Variants in LYPD6 observed in about 807,000 individuals in gnomAD.
LYPD6 encodes the protein ly6/PLAUR domain-containing protein 6.
In LYPD6, 15 loss-of-function variants were observed where a neutral mutation model predicts 22.7. That is an observed-to-expected ratio of 0.66 (90% CI 0.44 to 1.02). LYPD6 has a LOEUF of 1.02. Among genes scored for constraint, LYPD6 ranks in the 50% least tolerant of loss-of-function variants. LYPD6 has a pLI of 0.00. For missense variants in LYPD6, 189 were observed against 208.4 expected (o/e 0.91, Z 0.57); for synonymous variants, 72 against 77.5 (o/e 0.93, Z 0.37).
chr2:149,377,781 A>ACCCCCCCCC (rs70994571), intron 1 of LYPD6, among the ~76,000 whole-genome samples: 3 of 94,244 alleles, frequency 3.2e-5, no homozygotes, highest in Admixed American at 2.3e-4. Flanking sequence ...CTTTGTCCCC[A>ACCCCCCCCC]CCCCCCCCCC....
At chr2:149,427,065 A>G (rs909778409) in intron 1 of LYPD6, among the ~76,000 whole-genome samples, 42 of 152,362 alleles carry the variant, frequency 2.8e-4, no homozygotes, top group Admixed American at 1.2e-3. Context: ...AATAAAAGAA[A>G]GGTAAATGCA....
At chr2:149,441,037 C>T (rs992456669) in intron 2 of LYPD6, among the ~76,000 whole-genome samples, 3 of 152,098 alleles carry the variant, frequency 2.0e-5, no homozygotes, top group East Asian at 3.9e-4. Flanking sequence ...GTATTAACTT[C>T]TAATTTCTTT....
intron 1 of LYPD6, among the ~76,000 whole-genome samples, chr2:149,365,201 G>A (rs544453695): frequency 6.6e-6 from 1 of 152,312 alleles, no homozygotes; most frequent in South Asian, 2.1e-4. Context: ...AGATAATTCT[G>A]CTGGATGATG....
At chr2:149,375,191 G>T (rs1335011404) in intron 1 of LYPD6, among the ~76,000 whole-genome samples, 1 of 152,162 alleles carries the variant, frequency 6.6e-6, no homozygotes, top group Non-Finnish European at 1.5e-5. Context: ...GACAAACCAG[G>T]ATTTACCTTG....
intron 1 of LYPD6, among the ~76,000 whole-genome samples, chr2:149,424,814 G>A (rs1683156522): frequency 6.6e-6 from 1 of 152,160 alleles, no homozygotes; most frequent in Non-Finnish European, 1.5e-5. Context: ...ATCATGGGAA[G>A]GCTTGTAGAC....
At chr2:149,453,915 T>A (rs1287103472) in intron 3 of LYPD6, among the ~76,000 whole-genome samples, 2 of 152,212 alleles carry the variant, frequency 1.3e-5, no homozygotes, top group Non-Finnish European at 2.9e-5. Flanking sequence ...ACCCAACGCC[T>A]TGCAATTTAT....
chr2:149,350,766 C>T (rs1681343770), intron 1 of LYPD6, among the ~76,000 whole-genome samples: 1 of 152,168 alleles, frequency 6.6e-6, no homozygotes, highest in African/African-American at 2.4e-5. Flanking sequence ...GTCTCCTGTG[C>T]ACTTGTTTTT....
chr2:149,411,225 G>A (rs1309883266), intron 1 of LYPD6, among the ~76,000 whole-genome samples: 1 of 152,134 alleles, frequency 6.6e-6, no homozygotes, highest in African/African-American at 2.4e-5. Flanking sequence ...AGGAACCACT[G>A]GCTAAGCCGT....
intron 3 of LYPD6, among the ~76,000 whole-genome samples, chr2:149,455,559 C>G (rs1680939465): frequency 6.6e-6 from 1 of 152,040 alleles, no homozygotes; most frequent in Admixed American, 6.6e-5. Context: ...CGCCTGGCCT[C>G]CAGCAAGTTT....
chr2:149,476,952 T>C (rs556199315), downstream of LYPD6, among the ~76,000 whole-genome samples: 1 of 152,168 alleles, frequency 6.6e-6, no homozygotes, highest in East Asian at 1.9e-4. Context: ...GAAGACCAGT[T>C]GTTTGGGGAG....
intron 1 of LYPD6, among the ~76,000 whole-genome samples, chr2:149,365,103 C>CT (rs1427188713): frequency 6.6e-6 from 1 of 152,180 alleles, no homozygotes; most frequent in Non-Finnish European, 1.5e-5. Flanking sequence ...CTTCATCACT[C>CT]TAACACTCTT....
chr2:149,356,780 T>G (rs1056904259), intron 1 of LYPD6, among the ~76,000 whole-genome samples: 2 of 152,206 alleles, frequency 1.3e-5, no homozygotes, highest in African/African-American at 4.8e-5. Context: ...AAATGTTTTT[T>G]CAGGATGAGT....
chr2:149,416,859 C>G (rs1340860283), intron 1 of LYPD6, among the ~76,000 whole-genome samples: 3 of 152,340 alleles, frequency 2.0e-5, no homozygotes, highest in Admixed American at 6.5e-5. Context: ...GAAGGCAGTT[C>G]TAGTGTTCTG....
chr2:149,412,712 A>G (rs1366441085), intron 1 of LYPD6, among the ~76,000 whole-genome samples: 1 of 152,224 alleles, frequency 6.6e-6, no homozygotes, highest in African/African-American at 2.4e-5. Context: ...GAGCAATATT[A>G]TCGTTGGAAG....
In LYPD6 at chr2:149,471,138, G is replaced by A. The variant is rs191568028; in HGVS notation, c.*288G>A. The A allele has an allele frequency of 6.1e-5, 16 of 264,210 alleles. No individual in the cohort carries two copies. The Admixed American group carries it at 6.2e-4, about 10-fold the overall frequency. The allele number at this position is 264,210 out of a possible 1,614,324, so 16.4% of individuals were successfully genotyped here. A position where few individuals can be genotyped will look rare whatever the true frequency, so the allele number is the denominator to read the frequency against. ...AGTTCTGCATTTATCGAGATCTGGGGTTCTTAATTTGGAAGAATACATGCA... is the reference window on the plus strand; with the variant it reads ...AGTTCTGCATTTATCGAGATCTGGGATTCTTAATTTGGAAGAATACATGCA... On this transcript the variant is annotated 3_prime_UTR_variant, in exon 5 of 5. Coordinates refer to ENST00000334166, the MANE Select transcript of LYPD6 (RefSeq NM_194317.5).
chr2:149,377,505 G>A (rs939544234), intron 1 of LYPD6, among the ~76,000 whole-genome samples: 2 of 152,214 alleles, frequency 1.3e-5, no homozygotes, highest in Non-Finnish European at 2.9e-5. Flanking sequence ...AAGTGGCTGG[G>A]TGCGGTGGCT....
chr2:149,437,761 A>G lies in LYPD6; in HGVS notation c.53A>G (p.Asp18Gly). The part of the protein sequence containing the change: ...AWLLLLSLLA[D>G]CLKAAQSRDF... ...CTCCTGCTCCTGAGCCTGCTGGCGG[A>G]TTGTCTGAAAGCTGCTCAGTCCCGA... Residue 18 changes from aspartate (D) to glycine (G), a missense_variant, in exon 2 of 5, where the codon GAT becomes GGT. Asp to Gly is a moderately conservative substitution (Grantham distance 94). Transcript: ENST00000334166. The G allele has an allele frequency of 6.2e-7, 1 of 1,614,128 alleles. No individual in the cohort carries two copies. Among genetic ancestry groups the G allele is most frequent in the Non-Finnish European group, 8.5e-7 (1 of 1,180,010 alleles).
At chr2:149,401,603 A>T (rs922247011) in intron 1 of LYPD6, among the ~76,000 whole-genome samples, 4 of 152,146 alleles carry the variant, frequency 2.6e-5, no homozygotes, top group Admixed American at 6.5e-5. Context: ...ATCTGGTGGA[A>T]ATCTCTACTT....
At position 149,397,171 on chromosome 2, in the gene LYPD6, A is replaced by G. The variant is rs558459638; in HGVS notation, c.-71-40467A>G. Among the ~76,000 whole-genome samples, 5 of 152,318 alleles carry G rather than the reference A, an allele frequency of 3.3e-5. No individual in the cohort carries two copies. The East Asian group carries it at 7.7e-4, about 23-fold the overall frequency. ...ACTACCTTAAAACAGCAGTGTGACA[A>G]CTATGTATTATTATCTCTCATAGGT... is the stretch of plus-strand genomic sequence containing the variant. On this transcript the variant is annotated intron_variant, in intron 1 of 4. Transcript: ENST00000334166.
Sources: allele counts gnomAD v4.1 joint callset (sites outside exome capture counted in the v4.1 genomes callset), GRCh38; gene constraint gnomAD v4.1.1; transcripts MANE v1.5; gene names NCBI Gene and HGNC (gene_info 2026-07-23, HGNC 2026-07-21).